The following TEKT5 variants were observed in gnomAD, a reference collection of about 807,000 sequenced individuals.
TEKT5 encodes tektin 5.
A neutral mutation model predicts 48.7 loss-of-function variants in TEKT5; 52 were observed. The ratio of observed to expected loss-of-function variants is 1.07; its 90% CI spans 0.86 to 1.35. The LOEUF (loss-of-function observed/expected upper bound fraction) is 1.35. TEKT5 is among the 40% of genes most tolerant of loss of function. The probability of loss-of-function intolerance (pLI) is 0.00; values close to 1 mark genes in which losing one functional copy is unlikely to be tolerated. For synonymous variants in TEKT5, 318 were observed against 267.6 expected (o/e 1.19, Z -1.84); for missense variants, 831 against 641.6 (o/e 1.30, Z -3.19).
At chr16:10,684,246 G>A (rs999577595) in intron 3 of TEKT5, among the ~76,000 whole-genome samples, 3 of 152,144 alleles carry the variant, frequency 2.0e-5, no homozygotes, top group Admixed American at 1.3e-4. Flanking sequence ...TAAACCGAGT[G>A]TATCTGTTCT....
chr16:10,657,719 A>G (rs887208375), intron 5 of TEKT5, among the ~76,000 whole-genome samples: 4 of 150,124 alleles, frequency 2.7e-5, no homozygotes, highest in African/African-American at 4.9e-5. Context: ...CCTCCTGAGT[A>G]GCTGGGACTA....
At position 10,657,880 on chromosome 16, in the gene TEKT5, G is replaced by A. The variant is rs190314723; in HGVS notation, c.1086+18079C>T. 5.9e-5 allele frequency among the ~76,000 whole-genome samples: 9 copies of A among 151,840 alleles called. No individual in the cohort carries two copies. In the East Asian group the frequency reaches 1.4e-3, roughly 23 times the overall value. The stretch of plus-strand genomic sequence containing the variant: ...CTCCCAAAGTGCCGGGATTACAGGC[G>A]TGAACCACTGCGCCCGGCCTCCCCT... On this transcript the variant is annotated intron_variant, in intron 5 of 6. Transcript: ENST00000283025.
chr16:10,651,777 T>A (rs374083689), intron 5 of TEKT5, among the ~76,000 whole-genome samples: 1 of 152,052 alleles, frequency 6.6e-6, no homozygotes, highest in South Asian at 2.1e-4. Context: ...CTGACAAACA[T>A]GGCGAAACCC....
In TEKT5 at chr16:10,655,253, T is replaced by C. The variant is rs147981735; in HGVS notation, c.1087-19335A>G. ...CCTTTACAAACAGCCTCCAACCATA[T>C]TTACACGTTCTTATCGCTCCCAGTC... On this transcript the variant is annotated intron_variant, in intron 5 of 6. Coordinates refer to ENST00000283025, the MANE Select transcript of TEKT5 (RefSeq NM_144674.2). Among the ~76,000 whole-genome samples, 161 of 152,178 alleles carry C rather than the reference T, an allele frequency of 1.1e-3. 3 individuals are homozygous for C. Among genetic ancestry groups the C allele is most frequent in the South Asian group, 1.9e-3 (9 of 4,830 alleles).
chr16:10,689,518 C>T (rs1320716810), intron 2 of TEKT5, among the ~76,000 whole-genome samples, 195 bp from the exon 3 acceptor site: 3 of 127,186 alleles, frequency 2.4e-5, no homozygotes, highest in African/African-American at 6.2e-5. Flanking sequence ...GTGGAGGCTC[C>T]ACCTTTTTTT....
At chr16:10,628,255 G>GA (rs1485068840) in intron 6 of TEKT5, among the ~76,000 whole-genome samples, 2 of 152,214 alleles carry the variant, frequency 1.3e-5, no homozygotes, top group African/African-American at 4.8e-5. Flanking sequence ...CCCTCCAGGG[G>GA]AAGGCAGAGG....
intron 1 of TEKT5, chr16:10,690,797 A>C (rs1898958954): frequency 1.0e-6 from 1 of 985,244 alleles, no homozygotes; most frequent in African/African-American, 1.7e-5. Context: ...GTGATTAGCA[A>C]ACCAGCCCGT....
chr16:10,679,105 C>G (rs1359324483), intron 4 of TEKT5, among the ~76,000 whole-genome samples: 1 of 152,162 alleles, frequency 6.6e-6, no homozygotes, highest in African/African-American at 2.4e-5. Context: ...ATAATGGTAC[C>G]AACCCCCAGG....
At chr16:10,638,239 C>T (rs1487145676) in intron 5 of TEKT5, among the ~76,000 whole-genome samples, 1 of 152,170 alleles carries the variant, frequency 6.6e-6, no homozygotes, top group Non-Finnish European at 1.5e-5. Context: ...AGGAAGCTGT[C>T]CTTGCACTTG....
intron 3 of TEKT5, among the ~76,000 whole-genome samples, chr16:10,686,819 A>T (rs191853095): frequency 2.0e-5 from 3 of 152,258 alleles, no homozygotes; most frequent in Admixed American, 2.0e-4. Flanking sequence ...GATAGCCAAG[A>T]TACGAAATCA....
In TEKT5 at chr16:10,648,539, C is replaced by T. The variant is rs542702325; in HGVS notation, c.1087-12621G>A. On this transcript the variant is annotated intron_variant, in intron 5 of 6. Coordinates refer to ENST00000283025, the MANE Select transcript of TEKT5 (RefSeq NM_144674.2). The stretch of plus-strand genomic sequence containing the variant: ...TAGAGACAGGGTTTTGCCATGTTGG[C>T]CAGGCTGGTCTCGAACTCCCGGCCT... Among the ~76,000 whole-genome samples the T allele has an allele frequency of 4.6e-5, 7 of 152,288 alleles. No individual in the cohort carries two copies. The South Asian group carries it at 6.2e-4, about 14-fold the overall frequency.
At chr16:10,630,546 AT>A (rs1897824614) in intron 6 of TEKT5, among the ~76,000 whole-genome samples, 1 of 152,190 alleles carries the variant, frequency 6.6e-6, no homozygotes, top group Non-Finnish European at 1.5e-5. Flanking sequence ...TTAGCTGGAC[AT>A]GTTGAAGGCC....
intron 4 of TEKT5, among the ~76,000 whole-genome samples, chr16:10,677,565 C>T (rs890949745): frequency 1.4e-5 from 2 of 147,066 alleles, no homozygotes; most frequent in South Asian, 2.2e-4. Flanking sequence ...GCCGAGATCA[C>T]GCTACTGCAC....
rs557852936 is a variant in TEKT5 at position 10,631,255 on chromosome 16, CAAAA to C, written c.1242-3460_1242-3457del. Among the ~76,000 whole-genome samples, 597 of 60,266 alleles carry C rather than the reference CAAAA, an allele frequency of 9.9e-3. 4 individuals are homozygous for C. The highest frequency in any genetic ancestry group is 0.012 in the African/African-American group (205 of 17,020). 39.5% of individuals were successfully genotyped at this position (60,266 alleles called of 152,430 possible). The stretch of plus-strand genomic sequence containing the variant: ...TGGACAACAGAGCAAGACTCCATCT[CAAAA>C]AAAAAAAAAAAAAAGAGAGAGAGAG... On this transcript the variant is annotated intron_variant, in intron 6 of 6. Transcript: ENST00000283025.
intron 5 of TEKT5, 24 bp downstream of exon 5, chr16:10,675,935 G>A: frequency 1.2e-6 from 2 of 1,610,756 alleles, no homozygotes; most frequent in Non-Finnish European, 1.7e-6. Flanking sequence ...AGAGAAGGCA[G>A]GGGTCCTGGG....
chr16:10,642,891 G>A (rs1275417099), intron 5 of TEKT5, among the ~76,000 whole-genome samples: 1 of 152,142 alleles, frequency 6.6e-6, no homozygotes, highest in African/African-American at 2.4e-5. Context: ...AAGTTACAGC[G>A]AGGTGGGAGG....
intron 5 of TEKT5, among the ~76,000 whole-genome samples, chr16:10,656,591 G>C (rs1898266343): frequency 2.0e-5 from 3 of 152,102 alleles, no homozygotes; most frequent in Admixed American, 2.0e-4. Flanking sequence ...AAGCCAAAGA[G>C]GTAAGGCCTA....
At chr16:10,672,729 C>T (rs1026321294) in intron 5 of TEKT5, among the ~76,000 whole-genome samples, 3 of 152,184 alleles carry the variant, frequency 2.0e-5, no homozygotes, top group African/African-American at 7.2e-5. Flanking sequence ...GCAAGTAAAT[C>T]AACTAGTACA....
intron 6 of TEKT5, among the ~76,000 whole-genome samples, chr16:10,630,683 G>T (rs1203241356): frequency 6.6e-6 from 1 of 152,194 alleles, no homozygotes; most frequent in Non-Finnish European, 1.5e-5. Flanking sequence ...CTTGAATGTG[G>T]CCATGCAATT....
Sources: allele counts gnomAD v4.1 joint callset (sites outside exome capture counted in the v4.1 genomes callset), GRCh38; gene constraint gnomAD v4.1.1; transcripts MANE v1.5; gene names NCBI Gene and HGNC (gene_info 2026-07-23, HGNC 2026-07-21).